The following TEKT5 variants were observed in gnomAD, a reference collection of about 807,000 sequenced individuals.
TEKT5 encodes the protein tektin 5.
Under a neutral mutation model 48.7 loss-of-function variants are expected in TEKT5, and 52 were observed. The observed-to-expected ratio is 1.07, with a 90% confidence interval of 0.86 to 1.35. The LOEUF (loss-of-function observed/expected upper bound fraction) is 1.35, where lower values mean the gene tolerates loss of function less well. Ranked by LOEUF, TEKT5 falls within the 40% of genes most tolerant of loss-of-function variation. TEKT5 has a pLI of 0.00. For synonymous variants in TEKT5, 318 were observed against 267.6 expected, an observed-to-expected ratio of 1.19 and a Z score of -1.84; for missense variants, 831 against 641.6, an observed-to-expected ratio of 1.30 and a Z score of -3.19.
chr16:10,682,741 G>A lies in TEKT5; in HGVS notation c.720-605C>T, dbSNP rs546076837. On this transcript the variant is annotated intron_variant, in intron 3 of 6. Transcript: ENST00000283025. ...CTGTTGCAACTACTCAACTGTGCAC[G>A]AGAGCAGTCGCAGATATGTAAAAAT... is the stretch of plus-strand genomic sequence containing the variant. 7.2e-5 allele frequency among the ~76,000 whole-genome samples: 11 copies of A among 152,310 alleles called. No homozygotes were observed. In the East Asian group the frequency reaches 1.2e-3, roughly 16 times the overall value.
intron 5 of TEKT5, among the ~76,000 whole-genome samples, chr16:10,670,459 C>T (rs1898530904): frequency 6.6e-6 from 1 of 152,084 alleles, no homozygotes; most frequent in South Asian, 2.1e-4. Context: ...GCAGAGGTTG[C>T]AGTAAGCCAA....
chr16:10,637,525 A>ACTT (rs1284880806), intron 5 of TEKT5, among the ~76,000 whole-genome samples: 14 of 152,212 alleles, frequency 9.2e-5, no homozygotes, highest in African/African-American at 2.9e-4. Context: ...ATCTGTCAAG[A>ACTT]TATTTTTCCC....
In TEKT5 at chr16:10,681,370, A is replaced by ACTCTCTCT. The variant is rs1458051750; in HGVS notation, c.863+622_863+623insAGAGAGAG. Among the ~76,000 whole-genome samples, 272 of 148,030 alleles carry ACTCTCTCT rather than the reference A, an allele frequency of 1.8e-3. 3 individuals are homozygous for ACTCTCTCT. Among genetic ancestry groups the ACTCTCTCT allele is most frequent in the African/African-American group, 6.1e-3 (244 of 39,972 alleles). ...GCCACGTAGCCTGGCTCCAGATTCC[A>ACTCTCTCT]CTCTCTGTCTCTCTCTCTCTCTCTC... On this transcript the variant is annotated intron_variant, in intron 4 of 6. Transcript: ENST00000283025.
chr16:10,679,430 C>G (rs1898705953), intron 4 of TEKT5, among the ~76,000 whole-genome samples: 1 of 149,590 alleles, frequency 6.7e-6, no homozygotes, highest in Non-Finnish European at 1.5e-5. Flanking sequence ...GCGCTCTGGC[C>G]TGGTGACAGA....
At chr16:10,646,155 T>C (rs1467712517) in intron 5 of TEKT5, among the ~76,000 whole-genome samples, 1 of 152,074 alleles carries the variant, frequency 6.6e-6, no homozygotes, top group Non-Finnish European at 1.5e-5. Context: ...AAAAATTTGT[T>C]GATCTGACAT....
intron 5 of TEKT5, among the ~76,000 whole-genome samples, chr16:10,670,578 G>A (rs1339191418): frequency 6.6e-6 from 1 of 152,118 alleles, no homozygotes; most frequent in Non-Finnish European, 1.5e-5. Context: ...AAAGTGAAAT[G>A]GTTGCTATAC....
In TEKT5 at chr16:10,627,556, G is replaced by A; in HGVS notation, c.*27C>T. 6.2e-7 allele frequency: 1 copy of A among 1,610,578 alleles called. No individual in the cohort carries two copies. Among genetic ancestry groups the A allele is most frequent in the South Asian group, 1.1e-5 (1 of 91,014 alleles). On this transcript the variant is annotated 3_prime_UTR_variant, in exon 7 of 7. Coordinates refer to ENST00000283025, the MANE Select transcript of TEKT5 (RefSeq NM_144674.2). ...CTCAGCCTTTTCCAATTTTACGCCA[G>A]CGCGGAATGAGGCGCCAGGGCGGTG...
intron 5 of TEKT5, among the ~76,000 whole-genome samples, chr16:10,665,158 A>G (rs192456488): frequency 6.6e-6 from 1 of 152,320 alleles, no homozygotes; most frequent in Non-Finnish European, 1.5e-5. Flanking sequence ...GAGGCTAGCC[A>G]GTAGGTCCCA....
At chr16:10,643,914 C>A (rs546571346) in intron 5 of TEKT5, among the ~76,000 whole-genome samples, 1 of 151,940 alleles carries the variant, frequency 6.6e-6, no homozygotes, top group East Asian at 1.9e-4. Context: ...TGGTGGCAGG[C>A]GCCTGTAATC....
chr16:10,650,748 G>A (rs189291677), intron 5 of TEKT5, among the ~76,000 whole-genome samples: 138 of 152,176 alleles, frequency 9.1e-4, no homozygotes, highest in African/African-American at 3.1e-3. Flanking sequence ...AGCCAGGCGT[G>A]GTGGTGTGTG....
At chr16:10,679,621 G>A (rs1898709192) in intron 4 of TEKT5, among the ~76,000 whole-genome samples, 2 of 152,134 alleles carry the variant, frequency 1.3e-5, no homozygotes, top group African/African-American at 4.8e-5. Flanking sequence ...AAGGCCAGGG[G>A]TGGTGGCTCA....
chr16:10,676,441 T>C (rs1239872239), intron 4 of TEKT5, among the ~76,000 whole-genome samples: 2 of 152,114 alleles, frequency 1.3e-5, no homozygotes, highest in African/African-American at 4.8e-5. Context: ...AGTCGCCCCT[T>C]GTTGAGAACC....
At chr16:10,641,745 A>G (rs759002984) in intron 5 of TEKT5, among the ~76,000 whole-genome samples, 7 of 152,150 alleles carry the variant, frequency 4.6e-5, no homozygotes, top group South Asian at 2.1e-4. Flanking sequence ...TCACCTGAGC[A>G]TGAGAGGTTG....
chr16:10,663,361 A>C (rs1898406813), intron 5 of TEKT5, among the ~76,000 whole-genome samples: 1 of 152,236 alleles, frequency 6.6e-6, no homozygotes, highest in Non-Finnish European at 1.5e-5. Flanking sequence ...TAGTAGTTCC[A>C]GCCAGCTTTA....
At chr16:10,694,271 A>AT in intron 1 of TEKT5, 39 bp downstream of exon 1, 1 of 1,517,904 alleles carries the variant, frequency 6.6e-7, no homozygotes, top group Non-Finnish European at 8.8e-7. Flanking sequence ...CAGTATCCCC[A>AT]GGACACAGCC....
At chr16:10,658,181 T>A (rs1309211187) in intron 5 of TEKT5, among the ~76,000 whole-genome samples, 2 of 152,158 alleles carry the variant, frequency 1.3e-5, no homozygotes, top group Non-Finnish European at 2.9e-5. Context: ...GAAGTCAATA[T>A]TTGTCAACCT....
Position 10,689,959 on chromosome 16 carries a change from C to T in TEKT5, c.631G>A (p.Glu211Lys), listed in dbSNP as rs746270790. 2.5e-6 allele frequency: 4 copies of T among 1,614,060 alleles called. No homozygotes were observed. Among genetic ancestry groups the T allele is most frequent in the Non-Finnish European group, 3.4e-6 (4 of 1,180,010 alleles). Residue 211 changes from glutamate to lysine, a missense_variant, in exon 2 of 7, where the codon GAG becomes AAG. Coordinates refer to ENST00000283025, the MANE Select transcript of TEKT5 (RefSeq NM_144674.2). ...IGIDLVHDNV[E>K]KNLIREVDLL... ...TGCCTTACCCGGATAAGGTTTTTCT[C>T]CACGTTGTCATGGACCAAATCAATC...
At chr16:10,689,699 T>C (rs991354507) in intron 2 of TEKT5, among the ~76,000 whole-genome samples, 1 of 152,172 alleles carries the variant, frequency 6.6e-6, no homozygotes, top group Non-Finnish European at 1.5e-5. Context: ...CTAGCTTTTA[T>C]TATTGTTATT....
chr16:10,677,267 G>A (rs982979267), intron 4 of TEKT5, among the ~76,000 whole-genome samples: 3 of 98,934 alleles, frequency 3.0e-5, no homozygotes, highest in Non-Finnish European at 1.9e-5. Flanking sequence ...GGTTGTAAAC[G>A]GGAATAGATG....
Sources: gnomAD v4.1 joint callset for allele counts (sites outside exome capture counted in the v4.1 genomes callset) on GRCh38, gnomAD v4.1.1 for gene constraint, MANE v1.5 for transcripts, NCBI Gene and HGNC (gene_info 2026-07-23, HGNC 2026-07-21) for gene names.